The following VPS13B variants were observed in gnomAD, a reference collection of about 807,000 sequenced individuals.
The protein encoded by VPS13B is vacuolar protein sorting 13 homolog B.
Under a neutral mutation model 426.4 loss-of-function variants are expected in VPS13B, and 285 were observed. The observed-to-expected ratio is 0.67, with a 90% confidence interval of 0.61 to 0.74. VPS13B has a LOEUF of 0.74. VPS13B is among the 30% of genes least tolerant of loss of function. The probability of loss-of-function intolerance (pLI) is 0.00; values close to 1 mark genes in which losing one functional copy is unlikely to be tolerated. For synonymous variants in VPS13B, 1,676 were observed against 1,676.4 expected (o/e 1.00, Z 0.01); for missense variants, 4,537 against 4,782.6 (o/e 0.95, Z 1.51).
intron 7 of VPS13B, chr8:99,119,218 T>C (rs1016155253): frequency 3.3e-5 from 5 of 152,188 alleles, no homozygotes; most frequent in African/African-American, 1.2e-4. Context: ...TTTGTGTCTT[T>C]TAAAAATTTT....
At chr8:99,861,700 C>A in intron 57 of VPS13B, 76 bp from the exon 58 acceptor site, 1 of 1,544,250 alleles carries the variant, frequency 6.5e-7, no homozygotes, top group South Asian at 1.2e-5. Context: ...GGTGCTCCCG[C>A]TGCCTCTGAA....
At chr8:99,840,973 G>A (rs896289493) in intron 54 of VPS13B, among the ~76,000 whole-genome samples, 1 of 152,192 alleles carries the variant, frequency 6.6e-6, no homozygotes, top group South Asian at 2.1e-4. Flanking sequence ...CCAGCAAGTT[G>A]GCACTGACTT....
intron 17 of VPS13B, among the ~76,000 whole-genome samples, chr8:99,252,731 C>T (rs1817563750): frequency 6.6e-6 from 1 of 152,002 alleles, no homozygotes; most frequent in Non-Finnish European, 1.5e-5. Flanking sequence ...TTTCAAATTG[C>T]TGTGTCTTTT....
chr8:99,026,884 T>C (rs1347561724), intron 2 of VPS13B, among the ~76,000 whole-genome samples: 1 of 152,032 alleles, frequency 6.6e-6, no homozygotes, highest in African/African-American at 2.4e-5. Context: ...ATTTTTTTTT[T>C]CCCCCGCTCC....
intron 16 of VPS13B, among the ~76,000 whole-genome samples, chr8:99,173,577 C>T (rs943842170): frequency 1.3e-4 from 20 of 152,156 alleles, no homozygotes; most frequent in Non-Finnish European, 2.9e-4. Context: ...CTGTGTTCAT[C>T]AGTCTGGTTT....
At position 99,147,945 on chromosome 8, in the gene VPS13B, T is replaced by G. The variant is rs1445340623; in HGVS notation, c.1948T>G (p.Cys650Gly). The change falls in exon 14 of 62, where the codon TGC becomes GGC. Residue 650 changes from cysteine to glycine, a missense_variant. Transcript: ENST00000357162. ...HTSVTLLKCT[C>G]TISMAEFNLL... ...AAGTGTTACTCTCCTCAAATGTACC[T>G]GCACAATTTCCATGGCTGAATTCAA... 1.2e-6 allele frequency: 2 copies of G among 1,613,880 alleles called. No individual in the cohort carries two copies. The highest frequency in any genetic ancestry group is 1.7e-6 in the Non-Finnish European group (2 of 1,179,870).
intron 36 of VPS13B, among the ~76,000 whole-genome samples, chr8:99,710,914 G>A (rs1015438960): frequency 2.6e-5 from 4 of 151,954 alleles, no homozygotes; most frequent in Non-Finnish European, 4.4e-5. Flanking sequence ...CTGAGGCAAG[G>A]GAATTGCTTG....
In VPS13B at chr8:99,233,169, T is replaced by C; in HGVS notation, c.2515+40112T>C. 4 of 1,402,438 alleles carry C rather than the reference T, an allele frequency of 2.9e-6. No homozygotes were observed. The South Asian group carries it at 4.6e-5, about 16-fold the overall frequency. The allele number at this position is 1,402,438 out of a possible 1,614,324, so 86.9% of individuals were successfully genotyped here. A position where few individuals can be genotyped will look rare whatever the true frequency, so the allele number is the denominator to read the frequency against. On this transcript the variant is annotated intron_variant, in intron 17 of 61. Coordinates refer to ENST00000357162, the MANE Select transcript of VPS13B (RefSeq NM_152564.5). The stretch of plus-strand genomic sequence containing the variant: ...GGCTAGCAAAGAAGTGCCCGATAAT[T>C]CTGATGATCACTTCCTCATTTTCAT...
intron 31 of VPS13B, among the ~76,000 whole-genome samples, chr8:99,560,890 C>G (rs1294696782): frequency 6.6e-6 from 1 of 152,152 alleles, no homozygotes; most frequent in Non-Finnish European, 1.5e-5. Context: ...ATCACAAATT[C>G]TATCATAACA....
intron 30 of VPS13B, among the ~76,000 whole-genome samples, chr8:99,540,102 C>T (rs1394418597): frequency 4.7e-5 from 3 of 63,476 alleles, no homozygotes; most frequent in South Asian, 6.3e-4. Context: ...TTTTTTGAGA[C>T]GGAGTCTCAC....
intron 17 of VPS13B, among the ~76,000 whole-genome samples, chr8:99,227,533 G>C (rs968100412): frequency 6.6e-6 from 1 of 152,092 alleles, no homozygotes; most frequent in Admixed American, 6.5e-5. Flanking sequence ...ATTTTAGGAA[G>C]GTTGTTTTAA....
chr8:99,199,857 CTTCT>C (rs1198268314), intron 17 of VPS13B, among the ~76,000 whole-genome samples: 1 of 151,734 alleles, frequency 6.6e-6, no homozygotes, highest in East Asian at 1.9e-4. Flanking sequence ...CTTTCCCTTC[CTTCT>C]GTTAAGTTTT....
At chr8:99,231,521 C>G (rs1816322509) in intron 17 of VPS13B, among the ~76,000 whole-genome samples, 1 of 152,068 alleles carries the variant, frequency 6.6e-6, no homozygotes, top group African/African-American at 2.4e-5. Flanking sequence ...TAAATGTTTT[C>G]AAGGTTTGTC....
At chr8:99,277,638 C>G (rs1818966461) in intron 19 of VPS13B, among the ~76,000 whole-genome samples, 1 of 152,154 alleles carries the variant, frequency 6.6e-6, no homozygotes, top group Non-Finnish European at 1.5e-5. Context: ...CTAAATTTCT[C>G]TCTCTGTCTC....
At chr8:99,344,341 G>C in intron 19 of VPS13B, among the ~76,000 whole-genome samples, 1 of 152,152 alleles carries the variant, frequency 6.6e-6, no homozygotes, top group East Asian at 1.9e-4. Context: ...ACCTGAAACT[G>C]TAGAACTACT....
chr8:99,027,232 T>C (rs1044547077), intron 2 of VPS13B, among the ~76,000 whole-genome samples: 7 of 152,206 alleles, frequency 4.6e-5, no homozygotes, highest in African/African-American at 1.7e-4. Context: ...TTGAGGATTA[T>C]AGTTTTTAAT....
chr8:99,380,890 T>TTA (rs1326436646), intron 19 of VPS13B, among the ~76,000 whole-genome samples: 2 of 146,302 alleles, frequency 1.4e-5, no homozygotes, highest in African/African-American at 2.6e-5. Context: ...TTTTTTTTTT[T>TTA]AAAAAAAAAA....
At chr8:99,087,740 G>A (rs144796773) in intron 3 of VPS13B, among the ~76,000 whole-genome samples, 1 of 151,536 alleles carries the variant, frequency 6.6e-6, no homozygotes. Context: ...ATGCTACAAA[G>A]CCCTGTTTCA....
intron 43 of VPS13B, among the ~76,000 whole-genome samples, chr8:99,803,100 A>G (rs567157146): frequency 2.0e-5 from 3 of 152,328 alleles, no homozygotes; most frequent in Non-Finnish European, 4.4e-5. Flanking sequence ...ATACATCTAG[A>G]TACATTCTTT....
Sources: allele counts gnomAD v4.1 joint callset (sites outside exome capture counted in the v4.1 genomes callset), GRCh38; gene constraint gnomAD v4.1.1; transcripts MANE v1.5; gene names NCBI Gene and HGNC (gene_info 2026-07-23, HGNC 2026-07-21).